Variants in SBF2 observed in about 807,000 individuals in gnomAD.
The protein encoded by SBF2 is myotubularin-related protein 13.
In SBF2, 112 loss-of-function variants were observed where a neutral mutation model predicts 225.2. That is an observed-to-expected ratio of 0.50 (90% CI 0.43 to 0.58). SBF2 has a LOEUF of 0.58. Ranked by LOEUF, SBF2 falls within the 20% of genes least tolerant of loss-of-function variation. The pLI, the probability that SBF2 is intolerant of heterozygous loss-of-function variation, is 0.00. For missense variants in SBF2, 1,996 were observed against 2,206.2 expected (o/e 0.90, Z 1.91); for synonymous variants, 763 against 773.3 (o/e 0.99, Z 0.22).
intron 2 of SBF2, among the ~76,000 whole-genome samples, chr11:10,118,858 A>T (rs919636265): frequency 6.6e-6 from 1 of 151,942 alleles, no homozygotes; most frequent in Non-Finnish European, 1.5e-5. Flanking sequence ...TCATTTAGCA[A>T]ATAACTATTG....
chr11:9,850,327 T>C (rs766834229), intron 21 of SBF2, 109 bp from the exon 22 acceptor site: 24 of 987,200 alleles, frequency 2.4e-5, no homozygotes, highest in Non-Finnish European at 3.4e-5. Context: ...GCAATCATAG[T>C]TCACTGCAGC....
At chr11:10,301,488 T>G (rs1690437010) in intron 1 of SBF2, among the ~76,000 whole-genome samples, 2 of 152,180 alleles carry the variant, frequency 1.3e-5, no homozygotes, top group Admixed American at 1.3e-4. Flanking sequence ...TGTTTTCAAG[T>G]GAACTTTGTA....
chr11:9,812,488 C>G (rs1854242347), intron 30 of SBF2, 44 bp downstream of exon 30: 1 of 1,602,266 alleles, frequency 6.2e-7, no homozygotes, highest in Admixed American at 1.7e-5. Flanking sequence ...ACTTGGGCCT[C>G]TGTTTCTTTG....
At chr11:10,190,150 T>TAA (rs58088340) in intron 2 of SBF2, among the ~76,000 whole-genome samples, 2 of 146,610 alleles carry the variant, frequency 1.4e-5, no homozygotes. Context: ...AAACTCCGTC[T>TAA]AAAAAAAAAA....
intron 16 of SBF2, among the ~76,000 whole-genome samples, chr11:9,925,712 G>A (rs914556564): frequency 2.0e-5 from 3 of 152,166 alleles, no homozygotes; most frequent in African/African-American, 7.2e-5. Context: ...GTCACATAAA[G>A]ATTTTGGACT....
At chr11:9,876,972 C>T (rs759146684) in intron 17 of SBF2, among the ~76,000 whole-genome samples, 4 of 152,176 alleles carry the variant, frequency 2.6e-5, no homozygotes, top group Non-Finnish European at 5.9e-5. Flanking sequence ...CTCCTGACCT[C>T]GAGCAATCCA....
intron 2 of SBF2, among the ~76,000 whole-genome samples, chr11:10,166,845 C>A (rs910286702): frequency 6.6e-6 from 1 of 151,970 alleles, no homozygotes; most frequent in Non-Finnish European, 1.5e-5. Flanking sequence ...GCCTGTAGTC[C>A]CAGCCACTCA....
intron 1 of SBF2, among the ~76,000 whole-genome samples, chr11:10,198,719 G>A (rs1023294683): frequency 6.6e-6 from 1 of 152,192 alleles, no homozygotes; most frequent in Non-Finnish European, 1.5e-5. Flanking sequence ...CATCATCTTA[G>A]CTAGATCTTC....
chr11:10,196,707 A>C (rs1177124351), intron 1 of SBF2, among the ~76,000 whole-genome samples: 2 of 151,724 alleles, frequency 1.3e-5, no homozygotes, highest in Non-Finnish European at 2.9e-5. Context: ...TAATTATAAA[A>C]GTAATGTTAA....
intron 16 of SBF2, among the ~76,000 whole-genome samples, chr11:9,918,111 T>C (rs183790000): frequency 3.2e-4 from 48 of 148,510 alleles, no homozygotes; most frequent in Admixed American, 1.3e-3. Context: ...AGCAGTTATA[T>C]GATCATTGCC....
chr11:9,997,082 C>A (rs1039212600), intron 9 of SBF2, among the ~76,000 whole-genome samples: 41 of 152,174 alleles, frequency 2.7e-4, no homozygotes, highest in Non-Finnish European at 1.8e-4. Flanking sequence ...TTCATAGATA[C>A]CACCATGATA....
intron 1 of SBF2, among the ~76,000 whole-genome samples, chr11:10,208,739 A>C (rs144342181): frequency 2.6e-5 from 4 of 152,222 alleles, no homozygotes; most frequent in African/African-American, 9.6e-5. Context: ...GCCACATTAA[A>C]ATTTCAGACA....
At chr11:9,836,012 T>A (rs1855714761) in intron 26 of SBF2, among the ~76,000 whole-genome samples, 2 of 152,190 alleles carry the variant, frequency 1.3e-5, no homozygotes, top group Admixed American at 1.3e-4. Flanking sequence ...GTTATGAATA[T>A]GTTCAGTAGA....
intron 1 of SBF2, among the ~76,000 whole-genome samples, chr11:10,248,606 T>C (rs1960030976): frequency 6.6e-6 from 1 of 152,234 alleles, no homozygotes; most frequent in African/African-American, 2.4e-5. Context: ...GTAATGTATA[T>C]TTGAAACTAC....
In SBF2 at chr11:9,946,450, TTTC is replaced by T. The variant is rs1445903778; in HGVS notation, c.1860+15504_1860+15506del. On this transcript the variant is annotated intron_variant, in intron 16 of 39. Coordinates refer to ENST00000256190, the MANE Select transcript of SBF2 (RefSeq NM_030962.4). ...TTATATTTCTTTTTTTCTTTCTTTC[TTTC>T]TTTTTTTTTTTTTTGAGATGGAGTT... Among the ~76,000 whole-genome samples, 4 of 144,922 alleles carry T rather than the reference TTTC, an allele frequency of 2.8e-5. No individual in the cohort carries two copies. In the East Asian group the frequency reaches 8.0e-4, roughly 29 times the overall value.
At chr11:9,829,559 T>C (rs944208351) in intron 27 of SBF2, 63 bp from the exon 28 acceptor site, 10 of 1,285,946 alleles carry the variant, frequency 7.8e-6, no homozygotes, top group African/African-American at 1.5e-5. Context: ...CAAGTATCTA[T>C]CTATCTATCT....
intron 1 of SBF2, among the ~76,000 whole-genome samples, chr11:10,213,895 C>A (rs114085759): frequency 0.015 from 2,238 of 152,290 alleles, 52 homozygotes; most frequent in African/African-American, 0.05. Context: ...TCTGATGAAG[C>A]TCTGAGTTCA....
At chr11:10,034,199 C>A (rs773283235) in intron 3 of SBF2, among the ~76,000 whole-genome samples, 4 of 152,162 alleles carry the variant, frequency 2.6e-5, no homozygotes, top group South Asian at 2.1e-4. Context: ...TAATCACATG[C>A]CACAACTTGC....
At chr11:10,252,969 CTG>C (rs1036251360) in intron 1 of SBF2, among the ~76,000 whole-genome samples, 3 of 152,048 alleles carry the variant, frequency 2.0e-5, no homozygotes, top group African/African-American at 7.2e-5. Flanking sequence ...ACTGGAGTCT[CTG>C]TGAATCTGCT....
Sources: allele counts gnomAD v4.1 joint callset (sites outside exome capture counted in the v4.1 genomes callset), GRCh38; gene constraint gnomAD v4.1.1; transcripts MANE v1.5; gene names NCBI Gene and HGNC (gene_info 2026-07-23, HGNC 2026-07-21).